The following PARD3B variants were observed in gnomAD, a reference collection of about 807,000 sequenced individuals.
The protein encoded by PARD3B is par-3 family cell polarity regulator beta.
A neutral mutation model predicts 130.2 loss-of-function variants in PARD3B; 103 were observed. The observed-to-expected ratio is 0.79, with a 90% confidence interval of 0.67 to 0.93. The LOEUF (loss-of-function observed/expected upper bound fraction) is 0.93. Among genes scored for constraint, PARD3B ranks in the 40% least tolerant of loss-of-function variants. PARD3B has a pLI of 0.00. For synonymous variants in PARD3B, 583 were observed against 553.2 expected (o/e 1.05, Z -0.76); for missense variants, 1,609 against 1,499.2 (o/e 1.07, Z -1.21).
At chr2:205,130,358 C>T (rs564970906) in intron 10 of PARD3B, among the ~76,000 whole-genome samples, 8 of 152,148 alleles carry the variant, frequency 5.3e-5, no homozygotes, top group Non-Finnish European at 1.0e-4. Flanking sequence ...CCTACAAATT[C>T]TTTTCTGTCT....
At chr2:205,186,256 T>C (rs966568749) in intron 14 of PARD3B, among the ~76,000 whole-genome samples, 2 of 152,148 alleles carry the variant, frequency 1.3e-5, no homozygotes. Context: ...ATTTTAAAAA[T>C]AGATGTTCCA....
At chr2:205,297,654 T>C (rs1386065065) in intron 16 of PARD3B, among the ~76,000 whole-genome samples, 1 of 152,130 alleles carries the variant, frequency 6.6e-6, no homozygotes, top group African/African-American at 2.4e-5. Context: ...ATAAGGACTT[T>C]CCTGATTTTG....
intron 3 of PARD3B, among the ~76,000 whole-genome samples, chr2:205,002,333 A>C (rs1181151078): frequency 6.6e-6 from 1 of 152,190 alleles, no homozygotes; most frequent in African/African-American, 2.4e-5. Context: ...AGACCACATC[A>C]TTGAATGGTG....
chr2:204,557,136 C>T (rs564054926), intron 1 of PARD3B, among the ~76,000 whole-genome samples: 3 of 152,120 alleles, frequency 2.0e-5, no homozygotes, highest in East Asian at 3.9e-4. Flanking sequence ...GTTCTGGCCT[C>T]GTCCTCCATG....
chr2:205,155,639 T>C (rs987447765), intron 10 of PARD3B, among the ~76,000 whole-genome samples: 2 of 152,232 alleles, frequency 1.3e-5, no homozygotes, highest in African/African-American at 4.8e-5. Context: ...TCCACAATGG[T>C]TGAACTAGTT....
intron 19 of PARD3B, among the ~76,000 whole-genome samples, chr2:205,438,911 T>TG (rs2047614439): frequency 6.6e-6 from 1 of 152,214 alleles, no homozygotes; most frequent in Non-Finnish European, 1.5e-5. Flanking sequence ...GCTGGGGTTT[T>TG]GTTTTGGTTT....
intron 19 of PARD3B, among the ~76,000 whole-genome samples, chr2:205,430,067 A>G (rs2047277246): frequency 6.6e-6 from 1 of 152,212 alleles, no homozygotes; most frequent in Non-Finnish European, 1.5e-5. Flanking sequence ...ATCTCACAAC[A>G]ACATCTTAAA....
intron 18 of PARD3B, among the ~76,000 whole-genome samples, chr2:205,320,144 C>T (rs994439900): frequency 2.5e-5 from 3 of 121,994 alleles, no homozygotes; most frequent in Non-Finnish European, 4.8e-5. Flanking sequence ...CCAGCCTGGG[C>T]GACAGAGTGA....
chr2:205,563,824 C>T lies in PARD3B; in HGVS notation c.3260+10421C>T, dbSNP rs2216108. Among the ~76,000 whole-genome samples the T allele has an allele frequency of 0.57, 86,530 of 151,928 alleles. 25,447 individuals are homozygous for T. Among genetic ancestry groups the T allele is most frequent in the Middle Eastern group, 0.75 (221 of 294 alleles). ...ACCCTGTTCCTGTTGGGAACATACA[C>T]AGAGATGTGAGTGGCGCCCCCTAGG... On this transcript the variant is annotated intron_variant, in intron 22 of 22. Transcript: ENST00000406610. This position sits in a 1 kb window ranked among gnomAD's most constrained non-coding sequence, Gnocchi z 4.2.
In PARD3B at chr2:205,263,815, A is replaced by G. The variant is rs1430327734; in HGVS notation, c.2185+17993A>G. On this transcript the variant is annotated intron_variant, in intron 16 of 22. Coordinates refer to ENST00000406610, the MANE Select transcript of PARD3B (RefSeq NM_001302769.2). This position sits in a 1 kb window ranked among gnomAD's most constrained non-coding sequence, Gnocchi z 4.0. ...AAAATATTTGAAAAACACATATCCA[A>G]CAAAGGATCTGTATACAGAATATAT... Among the ~76,000 whole-genome samples, 2 of 151,238 alleles carry G rather than the reference A, an allele frequency of 1.3e-5. No homozygotes were observed. The highest frequency in any genetic ancestry group is 1.5e-5 in the Non-Finnish European group (1 of 67,662).
chr2:205,337,415 T>A (rs1444816248), intron 18 of PARD3B, among the ~76,000 whole-genome samples: 1 of 152,230 alleles, frequency 6.6e-6, no homozygotes, highest in Non-Finnish European at 1.5e-5. Context: ...ATTCAATATT[T>A]ATATCTGTTG....
chr2:205,368,071 A>C (rs1290788617), intron 18 of PARD3B, among the ~76,000 whole-genome samples: 1 of 152,226 alleles, frequency 6.6e-6, no homozygotes, highest in African/African-American at 2.4e-5. Context: ...CGTCTGTGTG[A>C]TGAAATGCAG....
At chr2:205,315,574 C>T (rs2042538006) in intron 18 of PARD3B, among the ~76,000 whole-genome samples, 1 of 152,142 alleles carries the variant, frequency 6.6e-6, no homozygotes, top group African/African-American at 2.4e-5. Flanking sequence ...GTAATGCAGC[C>T]AGTCCCAGGG....
At chr2:204,773,937 C>T (rs73060951) in intron 2 of PARD3B, among the ~76,000 whole-genome samples, 2,856 of 152,128 alleles carry the variant, frequency 0.019, 92 homozygotes, top group African/African-American at 0.063. Flanking sequence ...TCATGGGTGT[C>T]GACCCTGCCT....
In PARD3B at chr2:205,021,734, A is replaced by G. The variant is rs2125334245; in HGVS notation, c.395-25847A>G. Among the ~76,000 whole-genome samples the G allele has an allele frequency of 6.6e-6, 1 of 152,064 alleles. No individual in the cohort carries two copies. The highest frequency in any genetic ancestry group is 2.1e-4 in the South Asian group (1 of 4,816). ...TTTAAAATAAACTTCCATTTTAAATATGAGGAAACCAAGACTTAAGGAGGT... is the reference window on the plus strand; with the variant it reads ...TTTAAAATAAACTTCCATTTTAAATGTGAGGAAACCAAGACTTAAGGAGGT... On this transcript the variant is annotated intron_variant, in intron 3 of 22. Transcript: ENST00000406610. This position sits in a 1 kb window ranked among gnomAD's most constrained non-coding sequence, Gnocchi z 4.5.
chr2:205,415,314 A>G (rs2106069369), intron 19 of PARD3B, among the ~76,000 whole-genome samples: 1 of 152,302 alleles, frequency 6.6e-6, no homozygotes, highest in East Asian at 1.9e-4. Flanking sequence ...CCCAATAATT[A>G]TAGATTTACC....
At chr2:205,308,620 C>CAAA (rs1491338276) in intron 18 of PARD3B, among the ~76,000 whole-genome samples, 22 of 130,310 alleles carry the variant, frequency 1.7e-4, no homozygotes, top group South Asian at 7.0e-4. Context: ...AAAAAAAAAA[C>CAAA]CAAACAACAA....
At chr2:205,412,947 T>C (rs950252220) in intron 19 of PARD3B, among the ~76,000 whole-genome samples, 1 of 152,170 alleles carries the variant, frequency 6.6e-6, no homozygotes, top group African/African-American at 2.4e-5. Flanking sequence ...AGGAATGTTG[T>C]GAGAATTAAA....
At chr2:205,234,574 C>G (rs1434707125) in intron 15 of PARD3B, among the ~76,000 whole-genome samples, 1 of 152,000 alleles carries the variant, frequency 6.6e-6, no homozygotes, top group Non-Finnish European at 1.5e-5. Flanking sequence ...GAAAAATAGG[C>G]AAATCCAAAG....
Sources: gnomAD v4.1 joint callset for allele counts (sites outside exome capture counted in the v4.1 genomes callset) on GRCh38, gnomAD v4.1.1 for gene constraint, Gnocchi (gnomAD v3.1) non-coding constraint, MANE v1.5 for transcripts, NCBI Gene and HGNC (gene_info 2026-07-23, HGNC 2026-07-21) for gene names.